The following STK3 variants were observed in gnomAD, a reference collection of about 807,000 sequenced individuals.
STK3 encodes the protein serine/threonine kinase 3.
In STK3, 41 loss-of-function variants were observed where a neutral mutation model predicts 58.0. That is an observed-to-expected ratio of 0.71 (90% CI 0.55 to 0.92). The LOEUF (loss-of-function observed/expected upper bound fraction) is 0.92, where lower values mean the gene tolerates loss of function less well. Among genes scored for constraint, STK3 ranks in the 40% least tolerant of loss-of-function variants. The pLI, the probability that STK3 is intolerant of heterozygous loss-of-function variation, is 0.00. For missense variants in STK3, 479 were observed against 602.7 expected (o/e 0.79, Z 2.15); for synonymous variants, 170 against 191.0 (o/e 0.89, Z 0.91).
chr8:98,746,703 C>T (rs1829664715), intron 4 of STK3, among the ~76,000 whole-genome samples: 1 of 152,072 alleles, frequency 6.6e-6, no homozygotes, highest in Admixed American at 6.6e-5. Context: ...TAAAAGGAAT[C>T]ACTAACCTAG....
chr8:98,456,008 C>T lies in STK3; in HGVS notation c.1318-8G>A. On this transcript the variant is annotated splice_region_variant and splice_polypyrimidine_tract_variant and intron_variant, in intron 10 of 10. Transcript: ENST00000419617. ...TAAACTTAGATTTTTCAACTAGATACAGAAAGAAAGATACCAATACAATGA... is the reference window on the plus strand; with the variant it reads ...TAAACTTAGATTTTTCAACTAGATATAGAAAGAAAGATACCAATACAATGA... 1 of 1,597,428 alleles carries T rather than the reference C, an allele frequency of 6.3e-7. No homozygotes were observed. The highest frequency in any genetic ancestry group is 8.5e-7 in the Non-Finnish European group (1 of 1,171,094).
chr8:98,351,615 G>A, the STK3 span, among the ~76,000 whole-genome samples: 1 of 152,124 alleles, frequency 6.6e-6, no homozygotes, highest in South Asian at 2.1e-4. Flanking sequence ...ATATAACAGA[G>A]CTGGGGGCTG....
chr8:98,720,750 C>CAAAAA (rs35529460), intron 4 of STK3, among the ~76,000 whole-genome samples: 4 of 94,764 alleles, frequency 4.2e-5, no homozygotes, highest in Non-Finnish European at 8.6e-5. Context: ...GACTCCGTCT[C>CAAAAA]AAAAAAAAAA....
intron 1 of STK3, among the ~76,000 whole-genome samples, chr8:98,941,305 C>T (rs1840417784): frequency 6.6e-6 from 1 of 152,254 alleles, no homozygotes; most frequent in Non-Finnish European, 1.5e-5. Context: ...CTGGGTTCCC[C>T]AGGCGTCCTT....
chr8:98,507,054 T>C (rs1824151800), intron 10 of STK3, among the ~76,000 whole-genome samples: 1 of 152,184 alleles, frequency 6.6e-6, no homozygotes, highest in Middle Eastern at 3.2e-3. Flanking sequence ...CATATACTCA[T>C]TTCTTTGTTA....
chr8:98,808,453 T>C (rs574479069), intron 1 of STK3, among the ~76,000 whole-genome samples: 21 of 152,240 alleles, frequency 1.4e-4, no homozygotes, highest in Non-Finnish European at 2.6e-4. Context: ...AGGTTGTAAC[T>C]TCTGCTAAGG....
chr8:98,667,184 G>A (rs183884700), intron 6 of STK3, among the ~76,000 whole-genome samples: 217 of 152,222 alleles, frequency 1.4e-3, no homozygotes, highest in Non-Finnish European at 2.5e-3. Flanking sequence ...CCAATTATGT[G>A]TCCTAAACTC....
At chr8:98,929,968 C>T (rs1298511893) in intron 1 of STK3, among the ~76,000 whole-genome samples, 1 of 152,188 alleles carries the variant, frequency 6.6e-6, no homozygotes, top group African/African-American at 2.4e-5. Context: ...GTTGTGCTAG[C>T]ATGCACTTTG....
At chr8:98,931,108 G>A (rs1181480709) in intron 1 of STK3, among the ~76,000 whole-genome samples, 1 of 152,094 alleles carries the variant, frequency 6.6e-6, no homozygotes, top group Non-Finnish European at 1.5e-5. Context: ...CCTTGAAATC[G>A]GCTGAGCTCA....
intron 1 of STK3, among the ~76,000 whole-genome samples, chr8:98,815,225 A>G (rs535441859): frequency 6.6e-6 from 1 of 152,232 alleles, no homozygotes; most frequent in African/African-American, 2.4e-5. Context: ...TTCTGACTCA[A>G]ACTTAGAAAA....
At chr8:98,698,982 C>T (rs1207950946) in intron 6 of STK3, among the ~76,000 whole-genome samples, 4 of 152,202 alleles carry the variant, frequency 2.6e-5, no homozygotes, top group African/African-American at 9.7e-5. Context: ...TCCATTCTCC[C>T]CGTCACTTTC....
At chr8:98,847,838 T>G (rs1836270466) in intron 3 of STK3, among the ~76,000 whole-genome samples, 1 of 152,166 alleles carries the variant, frequency 6.6e-6, no homozygotes, top group Non-Finnish European at 1.5e-5. Flanking sequence ...CTCACTAACT[T>G]TAGCTCCAGG....
At chr8:98,876,066 T>C (rs752891331) in intron 3 of STK3, among the ~76,000 whole-genome samples, 13 of 152,162 alleles carry the variant, frequency 8.5e-5, no homozygotes, top group Non-Finnish European at 1.2e-4. Context: ...AAGGCAGTGG[T>C]TCTTGGTGTT....
chr8:98,776,439 T>A (rs1001861320), intron 1 of STK3, among the ~76,000 whole-genome samples: 1 of 152,192 alleles, frequency 6.6e-6, no homozygotes, highest in African/African-American at 2.4e-5. Context: ...AAATATAATG[T>A]TTATTCCATG....
intron 1 of STK3, among the ~76,000 whole-genome samples, chr8:98,924,382 G>T (rs1460560604): frequency 6.6e-6 from 1 of 152,188 alleles, no homozygotes; most frequent in East Asian, 1.9e-4. Context: ...AAATGACAAG[G>T]TTGTGTAAGC....
At chr8:98,421,207 G>A (rs1471665516) in intron 3 of STK3, among the ~76,000 whole-genome samples, 1 of 152,190 alleles carries the variant, frequency 6.6e-6, no homozygotes, top group Non-Finnish European at 1.5e-5. Flanking sequence ...TCAGCTGTCA[G>A]CCTCCCACAG....
At chr8:98,618,840 C>T (rs902913550) in intron 6 of STK3, among the ~76,000 whole-genome samples, 5 of 149,974 alleles carry the variant, frequency 3.3e-5, no homozygotes, top group African/African-American at 1.0e-4. Context: ...GAAGAACATT[C>T]CATGCTCATG....
chr8:98,441,078 T>C (rs1818677743), intron 1 of STK3, among the ~76,000 whole-genome samples: 1 of 152,238 alleles, frequency 6.6e-6, no homozygotes, highest in African/African-American at 2.4e-5. Context: ...ATATTTTAAA[T>C]GTAGTTTCAA....
chr8:98,699,821 C>A (rs1238561832), intron 6 of STK3, among the ~76,000 whole-genome samples: 1 of 152,218 alleles, frequency 6.6e-6, no homozygotes, highest in African/African-American at 2.4e-5. Flanking sequence ...GGGTCAGGGA[C>A]CCACTTGAGG....
Sources: allele counts gnomAD v4.1 joint callset (sites outside exome capture counted in the v4.1 genomes callset), GRCh38; gene constraint gnomAD v4.1.1; transcripts MANE v1.5; gene names NCBI Gene and HGNC (gene_info 2026-07-23, HGNC 2026-07-21).